The following DNAJC3 variants were observed in gnomAD, a reference collection of about 807,000 sequenced individuals.
The protein encoded by DNAJC3 is DnaJ heat shock protein family (Hsp40) member C3.
A neutral mutation model predicts 68.6 loss-of-function variants in DNAJC3; 38 were observed. The observed-to-expected ratio is 0.55, with a 90% CI of 0.43 to 0.73. DNAJC3 has a LOEUF of 0.73. Ranked by LOEUF, DNAJC3 falls within the 30% of genes least tolerant of loss-of-function variation. DNAJC3 has a pLI of 0.00. For missense variants in DNAJC3, 526 were observed against 591.9 expected, an observed-to-expected ratio of 0.89 and a Z score of 1.16; for synonymous variants, 203 against 204.0, an observed-to-expected ratio of 1.00 and a Z score of 0.04.
At chr13:95,769,642 A>C (rs1030148944) in intron 9 of DNAJC3, among the ~76,000 whole-genome samples, 4 of 152,342 alleles carry the variant, frequency 2.6e-5, no homozygotes, top group Admixed American at 6.5e-5. Context: ...AAAGACAGTC[A>C]GTGGGATATG....
At chr13:95,781,562 G>T (rs1006064800) in intron 9 of DNAJC3, among the ~76,000 whole-genome samples, 5 of 152,140 alleles carry the variant, frequency 3.3e-5, no homozygotes, top group African/African-American at 1.2e-4. Flanking sequence ...CGGTGGCAAG[G>T]AGGGTAGGCA....
Position 95,712,374 on chromosome 13 carries a change from C to CTT in DNAJC3, c.193+3053_193+3054dup, listed in dbSNP as rs71113952. On this transcript the variant is annotated intron_variant, in intron 2 of 11. Coordinates refer to ENST00000602402, the MANE Select transcript of DNAJC3 (RefSeq NM_006260.5). The stretch of plus-strand genomic sequence containing the variant: ...TAGAGGTCCTAGCCAATGCTTTTTT[C>CTT]TTTTTTTTTTTTTTTTTGAGGCAGA... Among the ~76,000 whole-genome samples the CTT allele has an allele frequency of 6.8e-3, 922 of 135,174 alleles. 7 individuals carry two copies. The highest frequency in any genetic ancestry group is 0.016 in the East Asian group (74 of 4,578). 88.7% of individuals were successfully genotyped at this position (135,174 alleles called of 152,430 possible).
intron 11 of DNAJC3, among the ~76,000 whole-genome samples, chr13:95,789,764 A>G (rs975587816): frequency 6.9e-5 from 10 of 144,346 alleles, no homozygotes; most frequent in Non-Finnish European, 3.1e-5. Flanking sequence ...ACTGCCACCA[A>G]TAGTGTATAA....
intron 9 of DNAJC3, among the ~76,000 whole-genome samples, chr13:95,782,306 T>C (rs1214119598): frequency 6.6e-6 from 1 of 152,234 alleles, no homozygotes; most frequent in Non-Finnish European, 1.5e-5. Flanking sequence ...TATAATCCTT[T>C]GGGTATGTAC....
At chr13:95,770,605 T>C (rs561363884) in intron 9 of DNAJC3, among the ~76,000 whole-genome samples, 1 of 152,350 alleles carries the variant, frequency 6.6e-6, no homozygotes, top group Non-Finnish European at 1.5e-5. Context: ...TTACGTCCCC[T>C]GTATATAGAA....
chr13:95,677,491 C>T (rs1014740899), intron 1 of DNAJC3, among the ~76,000 whole-genome samples, 154 bp downstream of exon 1: 3 of 152,216 alleles, frequency 2.0e-5, no homozygotes, highest in Non-Finnish European at 4.4e-5. Flanking sequence ...AGCCCGCGCC[C>T]GGTTCCGGGT....
chr13:95,740,166 G>A (rs1405442283), intron 4 of DNAJC3, among the ~76,000 whole-genome samples: 5 of 152,212 alleles, frequency 3.3e-5, no homozygotes, highest in Non-Finnish European at 5.9e-5. Context: ...CAGTCTACCC[G>A]TTCTCAGATC....
chr13:95,786,036 G>T lies in DNAJC3; in HGVS notation c.1173G>T (p.Gln391His). Reference protein sequence around the residue: ...EKAQRLLKQSQKRDYYKILGV... With the variant: ...EKAQRLLKQSHKRDYYKILGV... Reference sequence around the variant, plus strand: ...CACAAAGATTATTGAAACAGTCGCAGAAACGAGATTATTATAAAATCTTGG... The same window carrying T: ...CACAAAGATTATTGAAACAGTCGCATAAACGAGATTATTATAAAATCTTGG... Residue 391 changes from glutamine (Q) to histidine (H), a missense_variant, in exon 10 of 12, where the codon CAG becomes CAT. By Grantham distance (24) the Gln-to-His change is conservative. Coordinates refer to ENST00000602402, the MANE Select transcript of DNAJC3 (RefSeq NM_006260.5). 6.2e-7 allele frequency: 1 copy of T among 1,608,404 alleles called. No individual in the cohort carries two copies.
At chr13:95,699,140 A>G (rs183258524) in intron 1 of DNAJC3, among the ~76,000 whole-genome samples, 495 of 152,320 alleles carry the variant, frequency 3.2e-3, no homozygotes, top group Admixed American at 6.1e-3. Flanking sequence ...AAGTTCTGTT[A>G]TGGAAATGTG....
At position 95,791,105 on chromosome 13, in the gene DNAJC3, A is replaced by G. The variant is rs900769201; in HGVS notation, c.*75A>G. ...GAAATCTTGTTCCGGGACCCTAATG[A>G]AAAAAAATTTCAAATCTTTTCAGTT... On this transcript the variant is annotated 3_prime_UTR_variant, in exon 12 of 12. Transcript: ENST00000602402. The G allele has an allele frequency of 1.0e-5, 16 of 1,543,522 alleles. No homozygotes were observed. Among genetic ancestry groups the G allele is most frequent in the African/African-American group, 2.8e-5 (2 of 71,660 alleles).
intron 1 of DNAJC3, among the ~76,000 whole-genome samples, chr13:95,703,782 C>CT (rs1306870666): frequency 6.6e-6 from 1 of 151,558 alleles, no homozygotes; most frequent in East Asian, 1.9e-4. Flanking sequence ...CATCTACTCC[C>CT]TGTTCTATAG....
chr13:95,712,643 A>T (rs1881009783), intron 2 of DNAJC3, among the ~76,000 whole-genome samples: 1 of 152,178 alleles, frequency 6.6e-6, no homozygotes, highest in South Asian at 2.1e-4. Context: ...AAGAGCTGGG[A>T]TTACAGACAT....
chr13:95,713,831 C>G (rs546723964), intron 2 of DNAJC3, among the ~76,000 whole-genome samples: 2 of 152,328 alleles, frequency 1.3e-5, no homozygotes, highest in African/African-American at 2.4e-5. Context: ...CTGCTAGTCT[C>G]TTGCCATTTA....
chr13:95,745,503 A>G (rs1355662955), intron 4 of DNAJC3: 1 of 152,250 alleles, frequency 6.6e-6, no homozygotes, highest in Non-Finnish European at 1.5e-5. Context: ...CCCCACCTGC[A>G]GCGGCCACTG....
At chr13:95,750,403 G>T (rs1472358292) in intron 4 of DNAJC3, among the ~76,000 whole-genome samples, 1 of 152,020 alleles carries the variant, frequency 6.6e-6, no homozygotes, top group Non-Finnish European at 1.5e-5. Context: ...CTCAATAAGT[G>T]TTTTCTGCTG....
In DNAJC3 at chr13:95,677,177, G is replaced by GGCGC. The variant is rs1225126622; in HGVS notation, c.-78_-75dup. 10 of 1,384,310 alleles carry GGCGC rather than the reference G, an allele frequency of 7.2e-6. No homozygotes were observed. The African/African-American group carries it at 1.2e-4, about 16-fold the overall frequency. 85.8% of individuals were successfully genotyped at this position (1,384,310 alleles called of 1,614,324 possible). On this transcript the variant is annotated 5_prime_UTR_variant, in exon 1 of 12. Coordinates refer to ENST00000602402, the MANE Select transcript of DNAJC3 (RefSeq NM_006260.5). Reference sequence around the variant, plus strand: ...CCTGAGCGAGAGCCGACGGCGGGCGGGCGCAGCTGCTGCCGGAGCGCCGGC... The same window carrying GGCGC: ...CCTGAGCGAGAGCCGACGGCGGGCGGGCGCGCGCAGCTGCTGCCGGAGCGCCGGC...
chr13:95,766,696 C>CT (rs1460495076), intron 9 of DNAJC3, among the ~76,000 whole-genome samples: 11 of 147,754 alleles, frequency 7.4e-5, no homozygotes, highest in African/African-American at 2.6e-4. Flanking sequence ...TGCAGTTATT[C>CT]TATTTTTTTT....
intron 4 of DNAJC3, among the ~76,000 whole-genome samples, chr13:95,736,232 G>A (rs1881912863): frequency 6.6e-6 from 1 of 152,172 alleles, no homozygotes; most frequent in African/African-American, 2.4e-5. Flanking sequence ...TAGCCTTGTA[G>A]TATAGTTTGA....
At position 95,763,895 on chromosome 13, in the gene DNAJC3, T is replaced by C; in HGVS notation, c.1017T>C (p.Asn339=). ...CSEVLQMEPD[N]VNALKDRAEA... ...AAGTTTTACAGATGGAACCTGACAA[T>C]GTGAATGCCCTGAAAGATCGAGCAG... Residue 339 remains asparagine, a synonymous_variant, in exon 9 of 12, where the codon AAT becomes AAC. Transcript: ENST00000602402. 1 of 1,614,044 alleles carries C rather than the reference T, an allele frequency of 6.2e-7. No homozygotes were observed. The highest frequency in any genetic ancestry group is 8.5e-7 in the Non-Finnish European group (1 of 1,179,960).
Sources: gnomAD v4.1 joint callset for allele counts (sites outside exome capture counted in the v4.1 genomes callset) on GRCh38, gnomAD v4.1.1 for gene constraint, MANE v1.5 for transcripts, NCBI Gene and HGNC (gene_info 2026-07-23, HGNC 2026-07-21) for gene names.